The following EZH2 variants were observed in gnomAD, a reference collection of about 807,000 sequenced individuals.
EZH2 encodes enhancer of zeste 2 polycomb repressive complex 2 subunit.
In EZH2, 18 loss-of-function variants were observed where a neutral mutation model predicts 98.4. The ratio of observed to expected loss-of-function variants is 0.18; its 90% CI spans 0.13 to 0.27. The LOEUF (loss-of-function observed/expected upper bound fraction) is 0.27. Among genes scored for constraint, EZH2 ranks in the 10% least tolerant of loss-of-function variants. The pLI, the probability that EZH2 is intolerant of heterozygous loss-of-function variation, is 1.00. For synonymous variants in EZH2, 338 were observed against 312.3 expected, an observed-to-expected ratio of 1.08 and a Z score of -0.87; for missense variants, 470 against 935.1, an observed-to-expected ratio of 0.50 and a Z score of 6.49.
intron 1 of EZH2, among the ~76,000 whole-genome samples, chr7:148,859,820 C>T (rs908202343): frequency 1.2e-4 from 19 of 152,146 alleles, no homozygotes; most frequent in Non-Finnish European, 2.6e-4. Flanking sequence ...ATCCGCAACG[C>T]CTCAGTGATC....
chr7:148,867,902 A>T (rs1404254411), intron 1 of EZH2, among the ~76,000 whole-genome samples: 2 of 152,240 alleles, frequency 1.3e-5, no homozygotes, highest in Non-Finnish European at 2.9e-5. Context: ...ACAGATCCCT[A>T]GAGCAGGAGC....
intron 1 of EZH2, among the ~76,000 whole-genome samples, chr7:148,862,954 GTAT>G (rs907823080): frequency 1.3e-5 from 2 of 151,302 alleles, no homozygotes; most frequent in Non-Finnish European, 2.9e-5. Flanking sequence ...GAACAACTCA[GTAT>G]TATTATGAAA....
At chr7:148,810,116 G>T in intron 17 of EZH2, 1 of 428,676 alleles carries the variant, frequency 2.3e-6, no homozygotes, top group Non-Finnish European at 4.3e-6. Flanking sequence ...ACAGACAGCC[G>T]GGACTCCAGA....
At chr7:148,814,750 C>G (rs574085154) in intron 14 of EZH2, among the ~76,000 whole-genome samples, 164 bp downstream of exon 14, 1 of 152,330 alleles carries the variant, frequency 6.6e-6, no homozygotes, top group Non-Finnish European at 1.5e-5. Flanking sequence ...TGACTGGCCA[C>G]TGGCACAGGG....
intron 1 of EZH2, among the ~76,000 whole-genome samples, chr7:148,866,574 G>GTATATACATATATATACA (rs1818529120): frequency 7.2e-6 from 1 of 139,560 alleles, no homozygotes; most frequent in Non-Finnish European, 1.5e-5. Flanking sequence ...ATATATATAC[G>GTATATACATATATATACA]TATATACATA....
chr7:148,882,069 A>T (rs1821081564), intron 1 of EZH2, among the ~76,000 whole-genome samples: 1 of 151,872 alleles, frequency 6.6e-6, no homozygotes, highest in South Asian at 2.1e-4. Flanking sequence ...AATGGACAAG[A>T]TTATTAATAG....
chr7:148,857,682 TGGAGGCTGCAG>T (rs1817031372), intron 1 of EZH2, among the ~76,000 whole-genome samples: 1 of 151,496 alleles, frequency 6.6e-6, no homozygotes. Flanking sequence ...ACCCAGGAGG[TGGAGGCTGCAG>T]TGAGCAGAGA....
At chr7:148,876,935 T>C (rs1820255930) in intron 1 of EZH2, among the ~76,000 whole-genome samples, 2 of 152,158 alleles carry the variant, frequency 1.3e-5, no homozygotes, top group Admixed American at 6.5e-5. Context: ...GTACCCAAAT[T>C]AAAATCCTTC....
intron 3 of EZH2, among the ~76,000 whole-genome samples, chr7:148,839,086 AAG>A (rs1811701262): frequency 1.3e-5 from 2 of 151,230 alleles, no homozygotes; most frequent in Admixed American, 6.6e-5. Flanking sequence ...GGAAGGAAGG[AAG>A]GAAGGAAGGA....
intron 3 of EZH2, among the ~76,000 whole-genome samples, chr7:148,841,084 T>C (rs1287544318): frequency 6.6e-6 from 1 of 152,118 alleles, no homozygotes; most frequent in Non-Finnish European, 1.5e-5. Context: ...AATTCACCTT[T>C]TAAACTGAAG....
At chr7:148,843,847 G>C (rs971488459) in intron 3 of EZH2, among the ~76,000 whole-genome samples, 1 of 151,764 alleles carries the variant, frequency 6.6e-6, no homozygotes, top group African/African-American at 2.4e-5. Flanking sequence ...CGCCCGCCTC[G>C]GCCTCCCAAA....
At chr7:148,838,871 G>A (rs1292163097) in intron 3 of EZH2, among the ~76,000 whole-genome samples, 1 of 152,106 alleles carries the variant, frequency 6.6e-6, no homozygotes, top group African/African-American at 2.4e-5. Flanking sequence ...TAGCCAACAT[G>A]GTGAAACCCT....
chr7:148,810,432 G>C lies in EZH2; in HGVS notation c.1948-18C>G. 1.3e-6 allele frequency: 2 copies of C among 1,576,468 alleles called. No individual in the cohort carries two copies. Among genetic ancestry groups the C allele is most frequent in the Non-Finnish European group, 8.7e-7 (1 of 1,146,726 alleles). On this transcript the variant is annotated intron_variant, in intron 16 of 19. Coordinates refer to ENST00000320356, the MANE Select transcript of EZH2 (RefSeq NM_004456.5). ...GAAATAATCTAAAAAGAAAGACACAGGAGAAAATTCTTTTGGATAAAGGTG... is the reference window on the plus strand; with the variant it reads ...GAAATAATCTAAAAAGAAAGACACACGAGAAAATTCTTTTGGATAAAGGTG...
Position 148,807,544 on chromosome 7 carries a change from AG to A in EZH2, c.*101del, listed in dbSNP as rs1367625706. On this transcript the variant is annotated 3_prime_UTR_variant, in exon 20 of 20. Transcript: ENST00000320356. Reference sequence around the variant, plus strand: ...TATTCTTACAGTACTTTGCAAATTCAGAATTTCAAACTGCATGTTCTTTTTC... The same window carrying A: ...TATTCTTACAGTACTTTGCAAATTCAAATTTCAAACTGCATGTTCTTTTTC... 5 of 996,862 alleles carry A rather than the reference AG, an allele frequency of 5.0e-6. No individual in the cohort carries two copies. Among genetic ancestry groups the A allele is most frequent in the Non-Finnish European group, 7.7e-6 (5 of 648,736 alleles). 61.8% of individuals were successfully genotyped at this position (996,862 alleles called of 1,614,324 possible).
intron 1 of EZH2, among the ~76,000 whole-genome samples, chr7:148,869,497 C>T (rs562689878): frequency 2.6e-5 from 4 of 152,086 alleles, no homozygotes; most frequent in Non-Finnish European, 5.9e-5. Flanking sequence ...AGGCAAATGC[C>T]ACCACATGTG....
chr7:148,843,589 T>TG (rs1390997775), intron 3 of EZH2, among the ~76,000 whole-genome samples: 2 of 93,908 alleles, frequency 2.1e-5, no homozygotes, highest in Non-Finnish European at 4.2e-5. Flanking sequence ...ATAAGTTTTT[T>TG]TTTTTTTTTT....
chr7:148,810,116 G>A (rs1802614835), intron 17 of EZH2: 2 of 428,558 alleles, frequency 4.7e-6, no homozygotes, highest in Non-Finnish European at 8.6e-6. Flanking sequence ...ACAGACAGCC[G>A]GGACTCCAGA....
At chr7:148,854,748 C>T (rs1816520258) in intron 1 of EZH2, among the ~76,000 whole-genome samples, 1 of 152,310 alleles carries the variant, frequency 6.6e-6, no homozygotes, top group Non-Finnish European at 1.5e-5. Flanking sequence ...TGATAACTCT[C>T]CAGTCTTCAA....
intron 15 of EZH2, among the ~76,000 whole-genome samples, chr7:148,812,705 G>T (rs569087027): frequency 6.6e-6 from 1 of 151,238 alleles, no homozygotes; most frequent in African/African-American, 2.5e-5. Flanking sequence ...AAGTTGTTTG[G>T]GGGGGAAATT....
Sources: gnomAD v4.1 joint callset for allele counts (sites outside exome capture counted in the v4.1 genomes callset) on GRCh38, gnomAD v4.1.1 for gene constraint, MANE v1.5 for transcripts, NCBI Gene and HGNC (gene_info 2026-07-23, HGNC 2026-07-21) for gene names.